The following SMAP1 variants were observed in gnomAD, a reference collection of about 807,000 sequenced individuals.
The protein encoded by SMAP1 is stromal membrane-associated protein 1.
A neutral mutation model predicts 58.5 loss-of-function variants in SMAP1; 24 were observed. The ratio of observed to expected loss-of-function variants is 0.41; its 90% CI spans 0.30 to 0.58. SMAP1 has a LOEUF of 0.58. Among genes scored for constraint, SMAP1 ranks in the 20% least tolerant of loss-of-function variants. The pLI, the probability that SMAP1 is intolerant of heterozygous loss-of-function variation, is 0.29. For synonymous variants in SMAP1, 216 were observed against 196.6 expected, an observed-to-expected ratio of 1.10 and a Z score of -0.82; for missense variants, 563 against 566.3, an observed-to-expected ratio of 0.99 and a Z score of 0.06.
At chr6:70,682,006 T>C (rs971356499) in intron 1 of SMAP1, among the ~76,000 whole-genome samples, 63 of 152,024 alleles carry the variant, frequency 4.1e-4, no homozygotes, top group African/African-American at 1.5e-3. Context: ...ACAAATGAAA[T>C]GGTTAGCTTT....
intron 2 of SMAP1, among the ~76,000 whole-genome samples, chr6:70,738,045 T>A (rs1765680327): frequency 6.6e-6 from 1 of 152,100 alleles, no homozygotes; most frequent in Admixed American, 6.5e-5. Flanking sequence ...GGAAGATAGG[T>A]TGGTTTACTC....
intron 7 of SMAP1, 129 bp from the exon 8 acceptor site, chr6:70,852,408 AAGG>A (rs1185205402): frequency 1.1e-5 from 10 of 872,558 alleles, no homozygotes; most frequent in Non-Finnish European, 1.6e-5. Flanking sequence ...GGGTAGGTAG[AAGG>A]AGAACAAATG....
chr6:70,826,994 C>T (rs1396127779), intron 6 of SMAP1, among the ~76,000 whole-genome samples: 1 of 150,108 alleles, frequency 6.7e-6, no homozygotes, highest in Non-Finnish European at 1.5e-5. Flanking sequence ...CCCACAGTTC[C>T]TGTCAGACTA....
At position 70,861,587 on chromosome 6, in the gene SMAP1, C is replaced by T. The variant is rs1771729685; in HGVS notation, c.*1253C>T. On this transcript the variant is annotated 3_prime_UTR_variant, in exon 11 of 11. Transcript: ENST00000370455. The stretch of plus-strand genomic sequence containing the variant: ...GTAAAACAAACAATACCTGAATGCT[C>T]TGTAGCCTAAACTCCAAACATCCTC... The T allele has an allele frequency of 2.2e-6, 3 of 1,348,974 alleles. No individual in the cohort carries two copies. Among genetic ancestry groups the T allele is most frequent in the Middle Eastern group, 1.8e-4 (1 of 5,438 alleles). 83.6% of individuals were successfully genotyped at this position (1,348,974 alleles called of 1,614,324 possible).
intron 4 of SMAP1, among the ~76,000 whole-genome samples, chr6:70,781,916 G>A (rs756099056): frequency 6.6e-6 from 1 of 152,132 alleles, no homozygotes; most frequent in Non-Finnish European, 1.5e-5. Flanking sequence ...CTTTGATGGT[G>A]GCCTAGAGAA....
chr6:70,691,151 T>A (rs1582007203), intron 1 of SMAP1, among the ~76,000 whole-genome samples: 1 of 152,244 alleles, frequency 6.6e-6, no homozygotes. Flanking sequence ...GTAATGTCTC[T>A]TCTATCATTG....
At chr6:70,778,006 G>T (rs558597938) in intron 4 of SMAP1, among the ~76,000 whole-genome samples, 39 of 152,042 alleles carry the variant, frequency 2.6e-4, no homozygotes, top group African/African-American at 8.9e-4. Context: ...CCTGCCTCGG[G>T]CTCCCAAAGT....
chr6:70,837,004 C>T lies in SMAP1; in HGVS notation c.640C>T (p.Pro214Ser). The T allele has an allele frequency of 6.3e-7, 1 of 1,598,534 alleles. No individual in the cohort carries two copies. The highest frequency in any genetic ancestry group is 2.3e-5 in the East Asian group (1 of 43,916). Residue 214 changes from proline (P) to serine (S), a missense_variant, in exon 7 of 11, where the codon CCC becomes TCC. Coordinates refer to ENST00000370455, the MANE Select transcript of SMAP1 (RefSeq NM_001044305.3). ...TACCAGCCCTAAAAAAGCTGCGGAG[C>T]CCACTGTGGATCTTTTAGGACTTGG... Reference protein sequence around the residue: ...KSTSPKKAAEPTVDLLGLDGP... With the variant: ...KSTSPKKAAESTVDLLGLDGP...
chr6:70,764,655 T>A (rs968344081), intron 3 of SMAP1, among the ~76,000 whole-genome samples: 23 of 152,092 alleles, frequency 1.5e-4, no homozygotes, highest in African/African-American at 5.6e-4. Flanking sequence ...CAGAAAGAAA[T>A]AATTTTTTTC....
chr6:70,860,226 T>A lies in SMAP1; in HGVS notation c.1296T>A (p.Ser432Arg), dbSNP rs372284309. ...TGAATCAGCAGATGGCTGGCATGAG[T>A]ATCAGTAGTGCAACCCCTACTGCAG... ...SQMNQQMAGMSISSATPTAGF... is the reference protein window; with the variant it reads ...SQMNQQMAGMRISSATPTAGF... Residue 432 changes from serine to arginine, a missense_variant, in exon 11 of 11, where the codon AGT (serine) becomes AGA (arginine). Ser to Arg is a moderately radical substitution (Grantham distance 110, BLOSUM62 -1). This residue lies in a region of SMAP1 where 494 missense variants were observed against 473.8 expected (regional missense o/e 1.04). Transcript: ENST00000370455. 1.1e-5 allele frequency: 18 copies of A among 1,612,534 alleles called. No individual in the cohort carries two copies. The South Asian group carries it at 1.8e-4, about 16-fold the overall frequency.
chr6:70,694,859 C>T (rs1767332774), intron 1 of SMAP1, among the ~76,000 whole-genome samples: 1 of 152,154 alleles, frequency 6.6e-6, no homozygotes, highest in Non-Finnish European at 1.5e-5. Context: ...TATTTAACTG[C>T]TTGGTCTTAG....
chr6:70,861,685 T>C lies in SMAP1; in HGVS notation c.*1351T>C. The C allele has an allele frequency of 1.2e-6, 2 of 1,614,116 alleles. No individual in the cohort carries two copies. The highest frequency in any genetic ancestry group is 1.7e-6 in the Non-Finnish European group (2 of 1,179,976). ...AATTTATACCTCAATTTTCACTGTG[T>C]CCAGGTGGTACTTTGGCTCGTTGGC... On this transcript the variant is annotated 3_prime_UTR_variant, in exon 11 of 11. Coordinates refer to ENST00000370455, the MANE Select transcript of SMAP1 (RefSeq NM_001044305.3).
chr6:70,705,186 A>G (rs936219804), intron 1 of SMAP1, among the ~76,000 whole-genome samples: 7 of 152,212 alleles, frequency 4.6e-5, no homozygotes, highest in Non-Finnish European at 7.4e-5. Context: ...GCCTAGTTCA[A>G]AGTTATACTG....
At chr6:70,671,171 A>G (rs1441132181) in intron 1 of SMAP1, among the ~76,000 whole-genome samples, 2 of 133,144 alleles carry the variant, frequency 1.5e-5, no homozygotes, top group Non-Finnish European at 3.3e-5. Context: ...AGGTAATTCT[A>G]GCTTTGATTT....
intron 2 of SMAP1, among the ~76,000 whole-genome samples, chr6:70,751,311 T>C (rs973243532): frequency 6.6e-6 from 1 of 152,166 alleles, no homozygotes; most frequent in Non-Finnish European, 1.5e-5. Flanking sequence ...TTCCTCAATA[T>C]GTTAATATAT....
At chr6:70,694,435 G>C (rs961809326) in intron 1 of SMAP1, 3 of 154,306 alleles carry the variant, frequency 1.9e-5, no homozygotes, top group Admixed American at 6.5e-5. Context: ...TGATGTACTT[G>C]AAGAAGGAAA....
rs1766090996 is a variant in SMAP1, at chr6:70,667,906, G to A, written c.-118G>A. ...TCCTCCCGTTCCAGCTGCCGCTGCCGCTTCCTGGGCTGAGTCCGCCCGCGG... is the reference window on the plus strand; with the variant it reads ...TCCTCCCGTTCCAGCTGCCGCTGCCACTTCCTGGGCTGAGTCCGCCCGCGG... On this transcript the variant is annotated 5_prime_UTR_variant, in exon 1 of 11. Transcript: ENST00000370455. 6.5e-6 allele frequency: 5 copies of A among 772,898 alleles called. No homozygotes were observed. Among genetic ancestry groups the A allele is most frequent in the South Asian group, 2.2e-5 (1 of 46,042 alleles). 47.9% of individuals were successfully genotyped at this position (772,898 alleles called of 1,614,324 possible).
chr6:70,778,384 T>C (rs755276786), intron 4 of SMAP1, among the ~76,000 whole-genome samples: 49 of 152,230 alleles, frequency 3.2e-4, no homozygotes, highest in Non-Finnish European at 6.2e-4. Flanking sequence ...GTATGTTCCT[T>C]TATGCCTAAT....
At chr6:70,800,224 A>G (rs962149195) in intron 6 of SMAP1, among the ~76,000 whole-genome samples, 2 of 152,022 alleles carry the variant, frequency 1.3e-5, no homozygotes, top group African/African-American at 4.8e-5. Flanking sequence ...TTGAGGCTGC[A>G]GTGTGCTATG....
Sources: allele counts gnomAD v4.1 joint callset (sites outside exome capture counted in the v4.1 genomes callset), GRCh38; gene constraint gnomAD v4.1.1; regional missense constraint gnomAD v4.1.1; transcripts MANE v1.5; gene names NCBI Gene and HGNC (gene_info 2026-07-23, HGNC 2026-07-21).